Variants in MBNL2 observed in about 807,000 individuals in gnomAD.
The protein encoded by MBNL2 is muscleblind like splicing regulator 2.
A neutral mutation model predicts 41.9 loss-of-function variants in MBNL2; 17 were observed. The observed-to-expected ratio is 0.41, with a 90% confidence interval of 0.28 to 0.61. The LOEUF (loss-of-function observed/expected upper bound fraction) is 0.61, where lower values mean the gene tolerates loss of function less well. Ranked by LOEUF, MBNL2 falls within the 20% of genes least tolerant of loss-of-function variation. The pLI is 0.35. For missense variants in MBNL2, 336 were observed against 505.6 expected (o/e 0.66, Z 3.22); for synonymous variants, 195 against 182.9 (o/e 1.07, Z -0.53).
intron 8 of MBNL2, among the ~76,000 whole-genome samples, chr13:97,368,199 C>T (rs771324823): frequency 2.0e-5 from 3 of 152,096 alleles, no homozygotes; most frequent in Non-Finnish European, 4.4e-5. Flanking sequence ...CACTTGAGCC[C>T]AGGAGTTGGA....
the MBNL2 span, among the ~76,000 whole-genome samples, chr13:97,210,339 C>A: frequency 2.0e-5 from 3 of 152,068 alleles, no homozygotes; most frequent in African/African-American, 7.2e-5. Context: ...AAATTGAGAA[C>A]TTTTAAAATT....
At chr13:97,157,675 C>G in the MBNL2 span, among the ~76,000 whole-genome samples, 1 of 150,180 alleles carries the variant, frequency 6.7e-6, no homozygotes, top group East Asian at 1.9e-4. Flanking sequence ...GTCTTTGGCT[C>G]TGTTTATATG....
intron 2 of MBNL2, among the ~76,000 whole-genome samples, chr13:97,294,139 A>C (rs1258796172): frequency 2.0e-5 from 3 of 152,112 alleles, no homozygotes; most frequent in Admixed American, 6.5e-5. Flanking sequence ...AATTTGAATT[A>C]ATCTTGAAAT....
Position 97,359,425 on chromosome 13 carries a change from A to G in MBNL2, c.1012+1790A>G, listed in dbSNP as rs78896602. 7.2e-5 allele frequency among the ~76,000 whole-genome samples: 11 copies of G among 152,354 alleles called. No individual in the cohort carries two copies. In the East Asian group the frequency reaches 2.1e-3, roughly 29 times the overall value. ...CTGCCAAAAGAATCTGAAGCCCTCCAGCACATGTTTAACTCTCAAACCCAA... is the reference window on the plus strand; with the variant it reads ...CTGCCAAAAGAATCTGAAGCCCTCCGGCACATGTTTAACTCTCAAACCCAA... On this transcript the variant is annotated intron_variant, in intron 7 of 8. Transcript: ENST00000679496.
chr13:97,147,635 C>T, the MBNL2 span, among the ~76,000 whole-genome samples: 4 of 152,146 alleles, frequency 2.6e-5, no homozygotes, highest in Non-Finnish European at 5.9e-5. Flanking sequence ...AAAATGACAG[C>T]TTTCTAAGTC....
At chr13:97,368,142 C>T (rs114948248) in intron 8 of MBNL2, among the ~76,000 whole-genome samples, 173 of 152,220 alleles carry the variant, frequency 1.1e-3, no homozygotes, top group African/African-American at 3.8e-3. Context: ...GAGTGCAGTG[C>T]CTCATGCTTG....
Position 97,334,532 on chromosome 13 carries a change from G to A in MBNL2, c.339+92G>A, listed in dbSNP as rs113411731. On this transcript the variant is annotated intron_variant, in intron 3 of 8. Transcript: ENST00000679496. The surrounding 1 kb of genome is among the most constrained non-coding windows in gnomAD (Gnocchi z 5.3). ...ACCTAGGGTGGCCTCTCTCCACTTT[G>A]TCACTTTGGTTACAATTAAAGCAAA... 1.2e-3 allele frequency: 990 copies of A among 848,666 alleles called. 11 individuals carry two copies. The African/African-American group carries it at 0.016, about 13-fold the overall frequency. The allele number at this position is 848,666 out of a possible 1,614,324, so 52.6% of individuals were successfully genotyped here.
Position 97,392,257 on chromosome 13 carries a change from T to C in MBNL2, c.*808T>C, listed in dbSNP as rs1295806715. The C allele has an allele frequency of 1.3e-5, 2 of 152,582 alleles. No individual in the cohort carries two copies. Among genetic ancestry groups the C allele is most frequent in the Non-Finnish European group, 2.9e-5 (2 of 68,018 alleles). 9.5% of individuals were successfully genotyped at this position (152,582 alleles called of 1,614,324 possible). ...CCAGTTGCCTGTTACAGAATAACTCTTCTTAACTAAAAACCTAGTCAAACA... is the reference window on the plus strand; with the variant it reads ...CCAGTTGCCTGTTACAGAATAACTCCTCTTAACTAAAAACCTAGTCAAACA... On this transcript the variant is annotated 3_prime_UTR_variant, in exon 9 of 9. Coordinates refer to ENST00000679496, the MANE Select transcript of MBNL2 (RefSeq NM_001382683.1).
chr13:97,144,593 C>T, the MBNL2 span, among the ~76,000 whole-genome samples: 3 of 152,016 alleles, frequency 2.0e-5, no homozygotes, highest in Admixed American at 6.6e-5. Context: ...CCACGCCTGG[C>T]TAATTTTGCA....
chr13:97,209,265 C>T, the MBNL2 span, among the ~76,000 whole-genome samples: 1 of 152,132 alleles, frequency 6.6e-6, no homozygotes, highest in African/African-American at 2.4e-5. Context: ...AACTCCCTGT[C>T]AAAACATGTT....
chr13:97,200,781 G>A, the MBNL2 span, among the ~76,000 whole-genome samples: 2 of 152,244 alleles, frequency 1.3e-5, no homozygotes, highest in South Asian at 2.1e-4. Flanking sequence ...TTGCATTGTC[G>A]TGGGCTAAGG....
At chr13:97,385,720 G>A (rs2065872671) in intron 8 of MBNL2, among the ~76,000 whole-genome samples, 1 of 152,072 alleles carries the variant, frequency 6.6e-6, no homozygotes, top group Non-Finnish European at 1.5e-5. Context: ...TACAATTCCT[G>A]GAGATCAACC....
chr13:97,147,926 G>A, the MBNL2 span, among the ~76,000 whole-genome samples: 6 of 152,138 alleles, frequency 3.9e-5, no homozygotes, highest in Admixed American at 6.5e-5. Flanking sequence ...AGAGGAAGGC[G>A]GGGGACGTCC....
the MBNL2 span, among the ~76,000 whole-genome samples, chr13:97,215,272 C>T: frequency 6.6e-6 from 1 of 152,176 alleles, no homozygotes; most frequent in Non-Finnish European, 1.5e-5. Context: ...GCCTTAGTGC[C>T]ATGGTTCCCA....
intron 8 of MBNL2, among the ~76,000 whole-genome samples, chr13:97,378,743 C>G (rs2065174474): frequency 6.6e-6 from 1 of 151,838 alleles, no homozygotes; most frequent in South Asian, 2.1e-4. Flanking sequence ...ATTTGAATGT[C>G]TATTTAAATA....
chr13:97,265,553 A>G (rs2049576652), intron 1 of MBNL2, among the ~76,000 whole-genome samples: 1 of 152,092 alleles, frequency 6.6e-6, no homozygotes, highest in Non-Finnish European at 1.5e-5. Context: ...GCTTGTACCT[A>G]CCTTCAGAGA....
At chr13:97,308,058 G>A (rs779989104) in intron 2 of MBNL2, among the ~76,000 whole-genome samples, 6 of 152,100 alleles carry the variant, frequency 3.9e-5, no homozygotes, top group Admixed American at 2.6e-4. Flanking sequence ...ATAATAAAAG[G>A]GATTACATCT....
At chr13:97,160,183 T>C in the MBNL2 span, among the ~76,000 whole-genome samples, 142 of 152,360 alleles carry the variant, frequency 9.3e-4, no homozygotes, top group African/African-American at 3.3e-3. Flanking sequence ...ACATTAATTC[T>C]ACGGTGAAAG....
rs1457167992 is a variant in MBNL2 at position 97,357,463 on chromosome 13, T to C, written c.859-19T>C. On this transcript the variant is annotated intron_variant, in intron 6 of 8. Transcript: ENST00000679496. ...TTTGCTTTAAGTTAGACATATCTTA[T>C]CGAATTCTTCATTTCTAGGCCTTTC... is the stretch of plus-strand genomic sequence containing the variant. The C allele has an allele frequency of 6.2e-7, 1 of 1,610,976 alleles. No homozygotes were observed. Among genetic ancestry groups the C allele is most frequent in the Non-Finnish European group, 8.5e-7 (1 of 1,177,236 alleles).
Sources: gnomAD v4.1 joint callset for allele counts (sites outside exome capture counted in the v4.1 genomes callset) on GRCh38, gnomAD v4.1.1 for gene constraint, Gnocchi (gnomAD v3.1) non-coding constraint, MANE v1.5 for transcripts, NCBI Gene and HGNC (gene_info 2026-07-23, HGNC 2026-07-21) for gene names.